The following PXDN variants were observed in gnomAD, a reference collection of about 807,000 sequenced individuals.
PXDN encodes the protein peroxidasin.
In PXDN, 77 loss-of-function variants were observed where a neutral mutation model predicts 140.3. The observed-to-expected ratio is 0.55, with a 90% CI of 0.46 to 0.66. The LOEUF (loss-of-function observed/expected upper bound fraction) is 0.66. Ranked by LOEUF, PXDN falls within the 30% of genes least tolerant of loss-of-function variation. The probability of loss-of-function intolerance (pLI) is 0.00; values close to 1 mark genes in which losing one functional copy is unlikely to be tolerated. For missense variants in PXDN, 1,838 were observed against 2,039.5 expected (o/e 0.90, Z 1.90); for synonymous variants, 911 against 857.4 (o/e 1.06, Z -1.09).
chr2:1,731,526 T>C (rs546809023), intron 1 of PXDN, among the ~76,000 whole-genome samples: 1 of 152,300 alleles, frequency 6.6e-6, no homozygotes, highest in South Asian at 2.1e-4. Context: ...ATGGTGGAGC[T>C]TCAGGCGGGG....
chr2:1,732,203 C>T (rs1685327661), intron 1 of PXDN, among the ~76,000 whole-genome samples: 1 of 152,164 alleles, frequency 6.6e-6, no homozygotes. Flanking sequence ...GGCCCCAGCT[C>T]ATTGCCTAAG....
At position 1,673,788 on chromosome 2, in the gene PXDN, A is replaced by G. The variant is rs772333206; in HGVS notation, c.873T>C (p.Asp291=). ...RNNNELSMKT[D]SRLNLLDDGT... The stretch of plus-strand genomic sequence containing the variant: ...CATCGTCCAGCAAGTTTAGGCGGGA[A>G]TCTGTCTTCATGCTCAGCTCATTAC... The change falls in exon 9 of 23, where the codon GAT becomes GAC. Residue 291 remains aspartate (D), a synonymous_variant. Coordinates refer to ENST00000252804, the MANE Select transcript of PXDN (RefSeq NM_012293.3). 14 of 1,613,862 alleles carry G rather than the reference A, an allele frequency of 8.7e-6. No individual in the cohort carries two copies. Among genetic ancestry groups the G allele is most frequent in the African/African-American group, 1.3e-5 (1 of 74,922 alleles).
chr2:1,732,891 T>A (rs916308332), intron 1 of PXDN, among the ~76,000 whole-genome samples: 4 of 152,198 alleles, frequency 2.6e-5, no homozygotes, highest in Non-Finnish European at 5.9e-5. Flanking sequence ...CACCAAGTAG[T>A]CATGGAAGGT....
At chr2:1,729,000 G>T (rs898468974) in intron 1 of PXDN, among the ~76,000 whole-genome samples, 3 of 151,140 alleles carry the variant, frequency 2.0e-5, no homozygotes, top group Non-Finnish European at 3.0e-5. Flanking sequence ...AGGGCGCTGG[G>T]CTGGCTGCTC....
rs564235730 is a variant in PXDN, at chr2:1,737,267, C to T, written c.200+6989G>A. Among the ~76,000 whole-genome samples, 7 of 152,248 alleles carry T rather than the reference C, an allele frequency of 4.6e-5. No individual in the cohort carries two copies. In the East Asian group the frequency reaches 1.2e-3, roughly 25 times the overall value. On this transcript the variant is annotated intron_variant, in intron 1 of 22. Transcript: ENST00000252804. ...CTAGTCTCCTTGGAGTTCTGTGTCT[C>T]CCATCCTCTTAGCTTGAAACAGGAG...
At chr2:1,721,504 C>G (rs1431823440) in intron 1 of PXDN, among the ~76,000 whole-genome samples, 4 of 152,208 alleles carry the variant, frequency 2.6e-5, no homozygotes, top group Admixed American at 2.6e-4. Flanking sequence ...ACTCCAGGCT[C>G]TAGTGAAACA....
intron 1 of PXDN, among the ~76,000 whole-genome samples, chr2:1,697,329 G>C (rs1268430432): frequency 6.6e-6 from 1 of 152,164 alleles, no homozygotes; most frequent in Non-Finnish European, 1.5e-5. Flanking sequence ...TGTTTCCTCT[G>C]CATTTCCACG....
chr2:1,733,524 C>T (rs1685357560), intron 1 of PXDN, among the ~76,000 whole-genome samples: 1 of 152,034 alleles, frequency 6.6e-6, no homozygotes, highest in Admixed American at 6.5e-5. Context: ...GGTGAATCAC[C>T]TGTAGTCAGG....
intron 6 of PXDN, among the ~76,000 whole-genome samples, chr2:1,680,859 G>C (rs1683883696): frequency 6.6e-6 from 1 of 152,176 alleles, no homozygotes; most frequent in Non-Finnish European, 1.5e-5. Context: ...TGTGGGAAGG[G>C]GGGCTGCATC....
chr2:1,715,662 CA>C (rs1684877214), intron 1 of PXDN, among the ~76,000 whole-genome samples: 1 of 152,182 alleles, frequency 6.6e-6, no homozygotes, highest in Non-Finnish European at 1.5e-5. Context: ...TGGCTTGCAG[CA>C]GCCGAACAAG....
intron 4 of PXDN, among the ~76,000 whole-genome samples, chr2:1,684,985 G>A (rs1158465142): frequency 4.6e-5 from 7 of 152,200 alleles, no homozygotes; most frequent in African/African-American, 7.2e-5. Flanking sequence ...AGGCCAAAAT[G>A]AGCAAAGAAG....
intron 7 of PXDN, among the ~76,000 whole-genome samples, chr2:1,679,088 ATGTG>A (rs111613941): frequency 0.28 from 41,755 of 147,926 alleles, 6,459 homozygotes; most frequent in African/African-American, 0.44. Flanking sequence ...ATGTGCATGC[ATGTG>A]TGTGTGTGTG....
intron 1 of PXDN, among the ~76,000 whole-genome samples, chr2:1,693,978 A>G (rs1024885763): frequency 6.6e-6 from 1 of 152,268 alleles, no homozygotes; most frequent in Non-Finnish European, 1.5e-5. Flanking sequence ...AGACATGCAG[A>G]GGCGTCGGCT....
intron 1 of PXDN, among the ~76,000 whole-genome samples, chr2:1,703,464 G>GGC (rs1684497178): frequency 5.5e-5 from 2 of 36,294 alleles, no homozygotes; most frequent in African/African-American, 2.5e-4. Flanking sequence ...GTGAAGGAGA[G>GGC]ACAACTCCAG....
chr2:1,672,246 C>T (rs1572146136), intron 9 of PXDN: 1 of 152,268 alleles, frequency 6.6e-6, no homozygotes, highest in South Asian at 2.1e-4. Context: ...GAGAAAGACA[C>T]AACAATTCAG....
At chr2:1,657,971 A>G (rs554356167) in intron 14 of PXDN, among the ~76,000 whole-genome samples, 1 of 65,744 alleles carries the variant, frequency 1.5e-5, no homozygotes, top group South Asian at 5.4e-4. Flanking sequence ...TTGCCCCCTC[A>G]CTGTGATTTC....
chr2:1,634,320 C>A lies in PXDN; in HGVS notation c.4324G>T (p.Gly1442Trp). Residue 1442 changes from glycine to tryptophan, a missense_variant, in exon 23 of 23, where the codon GGG (glycine) becomes TGG (tryptophan). By Grantham distance (184) the Gly-to-Trp change is radical. Coordinates refer to ENST00000252804, the MANE Select transcript of PXDN (RefSeq NM_012293.3). ...DACTICECKD[G>W]QVTCFVEACP... ...GCTTCCACGAAGCAGGTGACCTGCC[C>A]GTCCTGGAGAAGAGAGACGGAGCAC... The A allele has an allele frequency of 6.3e-7, 1 of 1,581,980 alleles. No individual in the cohort carries two copies. Among genetic ancestry groups the A allele is most frequent in the East Asian group, 2.3e-5 (1 of 43,294 alleles).
In PXDN at chr2:1,648,199, T is replaced by A; in HGVS notation, c.3581A>T (p.Asn1194Ile). ...TFEDLKNEIK[N>I]PEIREKLKRL... ...TTTCAGTTTCTCCCGGATCTCAGGGTTTTTAATCTCATTTTTCAGGTCCTC... is the reference window on the plus strand; with the variant it reads ...TTTCAGTTTCTCCCGGATCTCAGGGATTTTAATCTCATTTTTCAGGTCCTC... The change falls in exon 17 of 23, where the codon AAC becomes ATC. Residue 1194 changes from asparagine (N) to isoleucine (I), a missense_variant. By Grantham distance (149) the Asn-to-Ile change is moderately radical. Around this residue, in one of 5 missense-constraint regions of PXDN, gnomAD observed 850 missense variants for 894.1 expected, o/e 0.95. Transcript: ENST00000252804. This position sits in a 1 kb window ranked among gnomAD's most constrained non-coding sequence, Gnocchi z 8.9. 1 of 1,611,760 alleles carries A rather than the reference T, an allele frequency of 6.2e-7. No individual in the cohort carries two copies. Among genetic ancestry groups the A allele is most frequent in the Non-Finnish European group, 8.5e-7 (1 of 1,178,334 alleles).
chr2:1,698,794 C>G (rs1446670384), intron 1 of PXDN, among the ~76,000 whole-genome samples: 3 of 152,166 alleles, frequency 2.0e-5, no homozygotes, highest in Admixed American at 2.0e-4. Context: ...AACGTCGACG[C>G]CAACACAAGC....
Sources: gnomAD v4.1 joint callset for allele counts (sites outside exome capture counted in the v4.1 genomes callset) on GRCh38, gnomAD v4.1.1 for gene constraint, gnomAD v4.1.1 regional missense constraint, Gnocchi (gnomAD v3.1) non-coding constraint, MANE v1.5 for transcripts, NCBI Gene and HGNC (gene_info 2026-07-23, HGNC 2026-07-21) for gene names.